CDR2L: variants seen among roughly 807,000 people sequenced by gnomAD.
CDR2L encodes the protein cerebellar degeneration-related protein 2-like.
In CDR2L, 19 loss-of-function variants were observed where a neutral mutation model predicts 36.1. The ratio of observed to expected loss-of-function variants is 0.53; its 90% confidence interval spans 0.37 to 0.77. The LOEUF (loss-of-function observed/expected upper bound fraction) is 0.77. CDR2L is among the 30% of genes least tolerant of loss of function. The pLI, the probability that CDR2L is intolerant of heterozygous loss-of-function variation, is 0.00. For missense variants in CDR2L, 575 were observed against 627.2 expected, an observed-to-expected ratio of 0.92 and a Z score of 0.89; for synonymous variants, 285 against 280.4, an observed-to-expected ratio of 1.02 and a Z score of -0.16.
chr17:74,994,283 C>G (rs1480266005), intron 1 of CDR2L, among the ~76,000 whole-genome samples: 1 of 152,222 alleles, frequency 6.6e-6, no homozygotes. Flanking sequence ...CAGTAGAGAA[C>G]TGGATCCCTG....
chr17:74,988,393 G>A (rs2039776838), intron 1 of CDR2L, among the ~76,000 whole-genome samples: 2 of 152,130 alleles, frequency 1.3e-5, no homozygotes, highest in African/African-American at 4.8e-5. Context: ...CATCCAGCTC[G>A]CCCACCCCGT....
Position 75,001,460 on chromosome 17 carries a change from G to C in CDR2L, c.312G>C (p.Glu104Asp), listed in dbSNP as rs1271788099. 1 of 1,587,408 alleles carries C rather than the reference G, an allele frequency of 6.3e-7. No homozygotes were observed. The highest frequency in any genetic ancestry group is 1.4e-5 in the African/African-American group (1 of 74,068). The change falls in exon 3 of 5, where the codon GAG becomes GAC. Residue 104 changes from glutamate to aspartate, a missense_variant. Physicochemically the swap from Glu to Asp is conservative, Grantham distance 45. Transcript: ENST00000337231. Reference sequence around the variant, plus strand: ...TGACCAACCACAGGCTGGTGCTGGAGAGTAAGGCTGCCCAGCAGAAGATCC... The same window carrying C: ...TGACCAACCACAGGCTGGTGCTGGACAGTAAGGCTGCCCAGCAGAAGATCC... Reference protein sequence around the residue: ...LELTNHRLVLESKAAQQKIHG... With the variant: ...LELTNHRLVLDSKAAQQKIHG...
At chr17:74,991,468 A>G (rs2039796449) in intron 1 of CDR2L, among the ~76,000 whole-genome samples, 2 of 149,810 alleles carry the variant, frequency 1.3e-5, no homozygotes. Context: ...CTGTAATCCC[A>G]GCACTTTGGG....
Position 75,004,047 on chromosome 17 carries a change from C to A in CDR2L, c.1371C>A (p.Thr457=), listed in dbSNP as rs746814498. The A allele has an allele frequency of 1.9e-6, 3 of 1,610,442 alleles. No homozygotes were observed. In the East Asian group the frequency reaches 6.7e-5, roughly 36 times the overall value. Residue 457 remains threonine, a synonymous_variant, in exon 5 of 5, where the codon ACC becomes ACA. Coordinates refer to ENST00000337231, the MANE Select transcript of CDR2L (RefSeq NM_014603.3). ...AGACCAAGGCTGACATCAACGCCACCAAAGTCAAGACGCACAGCAGCAAGT... is the reference window on the plus strand; with the variant it reads ...AGACCAAGGCTGACATCAACGCCACAAAAGTCAAGACGCACAGCAGCAAGT... The part of the protein sequence containing the change: ...IQKTKADINA[T]KVKTHSSK
In CDR2L at chr17:75,002,137, C is replaced by G. The variant is rs1274197562; in HGVS notation, c.415C>G (p.Leu139Val). 1 of 1,604,294 alleles carries G rather than the reference C, an allele frequency of 6.2e-7. No individual in the cohort carries two copies. The highest frequency in any genetic ancestry group is 1.1e-5 in the South Asian group (1 of 89,090). Residue 139 changes from leucine (L) to valine (V), a missense_variant, in exon 4 of 5, where the codon CTG becomes GTG. Physicochemically the swap from Leu to Val is conservative, Grantham distance 32. Coordinates refer to ENST00000337231, the MANE Select transcript of CDR2L (RefSeq NM_014603.3). The surrounding 1 kb of genome is among the most constrained non-coding windows in gnomAD (Gnocchi z 4.1). ...GGCCCAGGTGGAGCAACTGAGAGGC[C>G]TGGAACAGCTGCGAGTGCTCCGGGA... The part of the protein sequence containing the change: ...LQAQVEQLRG[L>V]EQLRVLREKR...
In CDR2L at chr17:75,003,241, G is replaced by A. The variant is rs1324307738; in HGVS notation, c.565G>A (p.Glu189Lys). 6.4e-7 allele frequency: 1 copy of A among 1,564,328 alleles called. No homozygotes were observed. Among genetic ancestry groups the A allele is most frequent in the Non-Finnish European group, 8.7e-7 (1 of 1,155,362 alleles). ...CCTGGAGCTGGGCCCGCGGCCCCTG[G>A]AGCAGGAGAACGAGCGGCTGCAGAC... ...SSLELGPRPLEQENERLQTLV... is the reference protein window; with the variant it reads ...SSLELGPRPLKQENERLQTLV... Residue 189 changes from glutamate (E) to lysine (K), a missense_variant, in exon 5 of 5, where the codon GAG (glutamate) becomes AAG (lysine). Transcript: ENST00000337231.
chr17:74,996,235 G>A (rs2039824716), intron 1 of CDR2L, among the ~76,000 whole-genome samples: 1 of 152,072 alleles, frequency 6.6e-6, no homozygotes, highest in Admixed American at 6.6e-5. Flanking sequence ...TTTGAGGTCA[G>A]GAGTTTGAGA....
chr17:74,990,571 A>C (rs901484624), intron 1 of CDR2L, among the ~76,000 whole-genome samples: 2 of 152,246 alleles, frequency 1.3e-5, no homozygotes, highest in Non-Finnish European at 2.9e-5. Context: ...GTTTATGCCA[A>C]GGCCCTTTTG....
chr17:74,993,611 G>T (rs918801498), intron 1 of CDR2L, among the ~76,000 whole-genome samples: 8 of 152,188 alleles, frequency 5.3e-5, no homozygotes, highest in African/African-American at 1.9e-4. Flanking sequence ...TATGTAACTA[G>T]TTTTTTCTTG....
intron 2 of CDR2L, among the ~76,000 whole-genome samples, chr17:75,000,940 TAAA>T (rs893920987): frequency 7.0e-6 from 1 of 142,672 alleles, no homozygotes; most frequent in Non-Finnish European, 1.5e-5. Context: ...TTAATTAATT[TAAA>T]AAAAAAAGAG....
chr17:74,999,054 A>C (rs2039847281), intron 1 of CDR2L, among the ~76,000 whole-genome samples: 1 of 152,206 alleles, frequency 6.6e-6, no homozygotes, highest in South Asian at 2.1e-4. Context: ...TCAGAGAAGA[A>C]GCCATGCGGA....
chr17:75,003,101 T>TGGGCTGCTCGGCCTTGGCC, intron 4 of CDR2L, 82 bp from the exon 5 acceptor site: 2 of 1,436,388 alleles, frequency 1.4e-6, no homozygotes, highest in Non-Finnish European at 1.9e-6. Context: ...GCGCCCTGGC[T>TGGGCTGCTCGGCCTTGGCC]GGGCTGCTCG....
chr17:75,000,940 TA>T (rs893920987), intron 2 of CDR2L, among the ~76,000 whole-genome samples: 193 of 142,730 alleles, frequency 1.4e-3, no homozygotes, highest in African/African-American at 2.7e-3. Flanking sequence ...TTAATTAATT[TA>T]AAAAAAAAAG....
intron 1 of CDR2L, among the ~76,000 whole-genome samples, chr17:74,990,042 C>T (rs539713770): frequency 5.1e-4 from 78 of 152,124 alleles, no homozygotes; most frequent in Admixed American, 9.2e-4. Flanking sequence ...TCAGGGAGGC[C>T]GATGCCAATA....
rs371988150 is a variant in CDR2L, at chr17:75,002,235, G to C, written c.506+7G>C. ...AGCTGTGCACCAGCCCCCGGTAGGT[G>C]AGAGCACTGCTTGGTGTCTCTGGGA... is the stretch of plus-strand genomic sequence containing the variant. On this transcript the variant is annotated splice_region_variant and intron_variant, in intron 4 of 4. Coordinates refer to ENST00000337231, the MANE Select transcript of CDR2L (RefSeq NM_014603.3). The surrounding 1 kb of genome is among the most constrained non-coding windows in gnomAD (Gnocchi z 4.1). 1.9e-6 allele frequency: 3 copies of C among 1,603,692 alleles called. No individual in the cohort carries two copies. Among genetic ancestry groups the C allele is most frequent in the Non-Finnish European group, 2.6e-6 (3 of 1,175,640 alleles).
At chr17:75,000,112 T>TA (rs2039856078) in intron 2 of CDR2L, among the ~76,000 whole-genome samples, 1 of 151,852 alleles carries the variant, frequency 6.6e-6, no homozygotes, top group Non-Finnish European at 1.5e-5. Flanking sequence ...CTTGTCTCTA[T>TA]AAAAAATACA....
Position 75,003,544 on chromosome 17 carries a change from C to G in CDR2L, c.868C>G (p.Pro290Ala). 1 of 1,512,370 alleles carries G rather than the reference C, an allele frequency of 6.6e-7. No homozygotes were observed. The highest frequency in any genetic ancestry group is 8.9e-7 in the Non-Finnish European group (1 of 1,128,402). 93.7% of individuals were successfully genotyped at this position (1,512,370 alleles called of 1,614,324 possible). ...TQAPEADDPQ[P>A]GRGDDLGAQD... ...GGCCCCTGAGGCCGACGATCCCCAG[C>G]CCGGCCGCGGGGACGACTTGGGCGC... The change falls in exon 5 of 5, where the codon CCC becomes GCC. Residue 290 changes from proline to alanine, a missense_variant. By Grantham distance (27) the Pro-to-Ala change is conservative. Coordinates refer to ENST00000337231, the MANE Select transcript of CDR2L (RefSeq NM_014603.3).
Position 75,001,324 on chromosome 17 carries a change from T to C in CDR2L, c.193-17T>C. On this transcript the variant is annotated splice_polypyrimidine_tract_variant and intron_variant, in intron 2 of 4. Coordinates refer to ENST00000337231, the MANE Select transcript of CDR2L (RefSeq NM_014603.3). Reference sequence around the variant, plus strand: ...TGCCCAATTCTAAAAAGTTACTCAATGTCCTTCCACCCCCAGTACCTAACC... The same window carrying C: ...TGCCCAATTCTAAAAAGTTACTCAACGTCCTTCCACCCCCAGTACCTAACC... 1.9e-6 allele frequency: 3 copies of C among 1,586,864 alleles called. No homozygotes were observed. The highest frequency in any genetic ancestry group is 2.6e-6 in the Non-Finnish European group (3 of 1,168,084).
chr17:75,003,635 C>G lies in CDR2L; in HGVS notation c.959C>G (p.Thr320Ser). ...GTGGTGCGCAAGAGCTGCAGCGACACTGCGCTCAACGCCATCGTGGCCAAA... is the reference window on the plus strand; with the variant it reads ...GTGGTGCGCAAGAGCTGCAGCGACAGTGCGCTCAACGCCATCGTGGCCAAA... ...GHVVRKSCSD[T>S]ALNAIVAKDP... The change falls in exon 5 of 5, where the codon ACT (threonine) becomes AGT (serine). Residue 320 changes from threonine to serine, a missense_variant. Thr to Ser is a moderately conservative substitution (Grantham distance 58). Coordinates refer to ENST00000337231, the MANE Select transcript of CDR2L (RefSeq NM_014603.3). 6.8e-7 allele frequency: 1 copy of G among 1,466,976 alleles called. No homozygotes were observed. The highest frequency in any genetic ancestry group is 2.5e-5 in the East Asian group (1 of 40,228). The allele number at this position is 1,466,976 out of a possible 1,614,324, so 90.9% of individuals were successfully genotyped here.
Sources: gnomAD v4.1 joint callset for allele counts (sites outside exome capture counted in the v4.1 genomes callset) on GRCh38, gnomAD v4.1.1 for gene constraint, Gnocchi (gnomAD v3.1) non-coding constraint, MANE v1.5 for transcripts, NCBI Gene and HGNC (gene_info 2026-07-23, HGNC 2026-07-21) for gene names.